Variants in PDE4D observed in about 807,000 individuals in gnomAD.
PDE4D encodes 3',5'-cyclic-AMP phosphodiesterase 4D.
PDE4D carries 24 observed loss-of-function variants against 87.4 expected under a neutral mutation model. The ratio of observed to expected loss-of-function variants is 0.27; its 90% CI spans 0.20 to 0.39. PDE4D has a LOEUF of 0.39. Ranked by LOEUF, PDE4D falls within the 10% of genes least tolerant of loss-of-function variation. PDE4D has a pLI of 1.00. For synonymous variants in PDE4D, 384 were observed against 383.2 expected (o/e 1.00, Z -0.02); for missense variants, 714 against 1,041.0 (o/e 0.69, Z 4.32).
chr5:59,036,636 T>C (rs995355489), intron 6 of PDE4D, among the ~76,000 whole-genome samples: 8 of 152,210 alleles, frequency 5.3e-5, no homozygotes, highest in Non-Finnish European at 1.2e-4. Context: ...CAAGAGCTTT[T>C]TTTTCTTTCT....
At chr5:60,425,759 G>A (rs998458703) in intron 1 of PDE4D, among the ~76,000 whole-genome samples, 4 of 152,052 alleles carry the variant, frequency 2.6e-5, no homozygotes, top group African/African-American at 9.7e-5. Flanking sequence ...CTACAGAATG[G>A]GAGAAAATTT....
chr5:58,985,848 A>AAGTT (rs1216695650), intron 11 of PDE4D, among the ~76,000 whole-genome samples: 1 of 152,258 alleles, frequency 6.6e-6, no homozygotes, highest in Non-Finnish European at 1.5e-5. Context: ...ACAAGTTTAC[A>AAGTT]AGTTATTAGA....
At chr5:59,395,331 T>A (rs1789175996) in intron 1 of PDE4D, among the ~76,000 whole-genome samples, 1 of 152,160 alleles carries the variant, frequency 6.6e-6, no homozygotes, top group Non-Finnish European at 1.5e-5. Context: ...GACTTAAATG[T>A]CCCTGTCTGA....
intron 3 of PDE4D, among the ~76,000 whole-genome samples, chr5:59,978,002 C>T (rs1207927340): frequency 6.6e-6 from 1 of 152,124 alleles, no homozygotes; most frequent in East Asian, 1.9e-4. Context: ...TTGAGACATA[C>T]TGCTCAGAAA....
rs1554081478 is a variant in PDE4D, at chr5:59,149,716, T to TTTTTG, written c.808+30878_808+30879insCAAAA. On this transcript the variant is annotated intron_variant, in intron 5 of 14. Coordinates refer to ENST00000340635, the MANE Select transcript of PDE4D (RefSeq NM_001104631.2). Reference sequence around the variant, plus strand: ...TCCCTCTCTCCTCGAGTTTTTTTTTTTTTTTTTTTTTTTTCGGTCAACAGA... The same window carrying TTTTTG: ...TCCCTCTCTCCTCGAGTTTTTTTTTTTTTTGTTTTTTTTTTTTTTCGGTCAACAGA... Among the ~76,000 whole-genome samples the TTTTTG allele has an allele frequency of 2.7e-5, 4 of 147,658 alleles. 1 individual carries two copies. The highest frequency in any genetic ancestry group is 1.0e-4 in the African/African-American group (4 of 39,956).
At chr5:59,968,545 G>A (rs905334324) in intron 3 of PDE4D, among the ~76,000 whole-genome samples, 1 of 151,836 alleles carries the variant, frequency 6.6e-6, no homozygotes, top group Non-Finnish European at 1.5e-5. Flanking sequence ...TAACAAATCT[G>A]TACAAATACC....
chr5:59,528,567 A>G (rs947339912), intron 1 of PDE4D, among the ~76,000 whole-genome samples: 1 of 152,176 alleles, frequency 6.6e-6, no homozygotes, highest in Non-Finnish European at 1.5e-5. Flanking sequence ...ACTTTCATTG[A>G]TAAATAACCC....
At chr5:60,306,477 A>G (rs1250771194) in intron 1 of PDE4D, among the ~76,000 whole-genome samples, 1 of 152,084 alleles carries the variant, frequency 6.6e-6, no homozygotes, top group East Asian at 1.9e-4. Context: ...GGAACGAATC[A>G]ATAAAAAACA....
chr5:60,230,805 G>A (rs767547397), intron 1 of PDE4D, among the ~76,000 whole-genome samples: 2 of 152,072 alleles, frequency 1.3e-5, no homozygotes, highest in Non-Finnish European at 2.9e-5. Flanking sequence ...TCATTTGGCA[G>A]CCTAAAGTGA....
At chr5:60,239,377 G>A (rs529888118) in intron 1 of PDE4D, among the ~76,000 whole-genome samples, 9 of 152,064 alleles carry the variant, frequency 5.9e-5, no homozygotes, top group East Asian at 1.9e-4. Flanking sequence ...TAATCTTCCC[G>A]ACTTCTTCAA....
rs552767039 is a variant in PDE4D, at chr5:60,256,829, A to C, written c.-89-71142T>G. Among the ~76,000 whole-genome samples, 414 of 152,126 alleles carry C rather than the reference A, an allele frequency of 2.7e-3. 4 individuals carry two copies. The highest frequency in any genetic ancestry group is 9.6e-3 in the African/African-American group (397 of 41,548). ...TCTTGGGAAGAATGTATGTGCAAACATACTGAGGTAGAGACAAGAAAGTTT... is the reference window on the plus strand; with the variant it reads ...TCTTGGGAAGAATGTATGTGCAAACCTACTGAGGTAGAGACAAGAAAGTTT... On this transcript the variant is annotated intron_variant, in intron 1 of 16. Coordinates refer to the PDE4D transcript ENST00000502484.
At chr5:59,668,804 A>AAGAAG (rs1219213121) in intron 1 of PDE4D, among the ~76,000 whole-genome samples, 2 of 108,210 alleles carry the variant, frequency 1.8e-5, no homozygotes, top group African/African-American at 8.1e-5. Context: ...GAAGAAGAAG[A>AAGAAG]AAGAAGAAGA....
At chr5:59,285,166 A>C (rs1445093594) in intron 1 of PDE4D, among the ~76,000 whole-genome samples, 2 of 143,702 alleles carry the variant, frequency 1.4e-5, no homozygotes, top group African/African-American at 2.6e-5. Flanking sequence ...TACATATGTA[A>C]CTAACCTGCA....
intron 1 of PDE4D, among the ~76,000 whole-genome samples, chr5:60,402,446 G>A (rs1228321617): frequency 2.6e-5 from 4 of 152,194 alleles, no homozygotes; most frequent in African/African-American, 9.7e-5. Flanking sequence ...CCTGGCATGT[G>A]GGAGGTGTTC....
intron 1 of PDE4D, among the ~76,000 whole-genome samples, chr5:59,691,633 C>T (rs1374721214): frequency 4.0e-5 from 6 of 151,278 alleles, no homozygotes; most frequent in Admixed American, 6.6e-5. Flanking sequence ...GACAAGTTAA[C>T]GGGTGCAGCA....
At chr5:59,228,445 A>G (rs114619172) in intron 1 of PDE4D, among the ~76,000 whole-genome samples, 18,591 of 151,836 alleles carry the variant, frequency 0.12, 2,050 homozygotes, top group African/African-American at 0.3. Flanking sequence ...ACAACAAAAA[A>G]AAAAAACAAG....
chr5:60,484,430 A>C (rs1003005074), intron 1 of PDE4D, among the ~76,000 whole-genome samples: 2 of 152,182 alleles, frequency 1.3e-5, no homozygotes, highest in East Asian at 3.9e-4. Context: ...CAATCCAATC[A>C]ATAAGAAATA....
At chr5:59,257,381 G>T (rs1472340310) in intron 1 of PDE4D, among the ~76,000 whole-genome samples, 2 of 151,954 alleles carry the variant, frequency 1.3e-5, no homozygotes, top group African/African-American at 2.4e-5. Context: ...CCTGGCCTTT[G>T]ATATGTGTGG....
intron 1 of PDE4D, among the ~76,000 whole-genome samples, chr5:59,809,334 A>C (rs1453842043): frequency 6.6e-6 from 1 of 152,216 alleles, no homozygotes; most frequent in Non-Finnish European, 1.5e-5. Flanking sequence ...AGTGAGATAT[A>C]AAGGGCTTTG....
Sources: gnomAD v4.1 joint callset for allele counts (sites outside exome capture counted in the v4.1 genomes callset) on GRCh38, gnomAD v4.1.1 for gene constraint, MANE v1.5 for transcripts, NCBI Gene and HGNC (gene_info 2026-07-23, HGNC 2026-07-21) for gene names.